ZNF142: variants seen among roughly 807,000 people sequenced by gnomAD.
The protein encoded by ZNF142 is zinc finger protein 142, also known as zinc finger protein 142 (clone pHZ-49).
In ZNF142, 96 loss-of-function variants were observed where a neutral mutation model predicts 132.1. The observed-to-expected ratio is 0.73, with a 90% CI of 0.62 to 0.86. The LOEUF is 0.86. ZNF142 is among the 40% of genes least tolerant of loss of function. ZNF142 has a pLI of 0.00. For missense variants in ZNF142, 2,163 were observed against 2,336.2 expected (o/e 0.93, Z 1.53); for synonymous variants, 842 against 890.1 (o/e 0.95, Z 0.96).
At chr2:218,639,982 G>A (rs1168354430) in intron 10 of ZNF142, among the ~76,000 whole-genome samples, 28 of 129,236 alleles carry the variant, frequency 2.2e-4, no homozygotes, top group African/African-American at 7.0e-4. Context: ...TGTGAACCCG[G>A]AAGGCAGAGG....
At chr2:218,645,101 T>G in intron 8 of ZNF142, 37 bp from the exon 9 acceptor site, 1 of 1,592,524 alleles carries the variant, frequency 6.3e-7, no homozygotes. Flanking sequence ...ATCACAATAA[T>G]TAATCACAAC....
chr2:218,640,465 C>T, intron 10 of ZNF142, among the ~76,000 whole-genome samples, 199 bp downstream of exon 10: 1 of 152,184 alleles, frequency 6.6e-6, no homozygotes, highest in Non-Finnish European at 1.5e-5. Flanking sequence ...TGCCCAGGCT[C>T]TCAGGTTTAC....
intron 7 of ZNF142, 85 bp from the exon 8 acceptor site, chr2:218,646,433 C>G: frequency 6.7e-7 from 1 of 1,492,484 alleles, no homozygotes; most frequent in East Asian, 2.3e-5. Flanking sequence ...GCAAGCCTGC[C>G]CTGATGCCAG....
chr2:218,633,850 C>G lies in ZNF142; in HGVS notation c.*4489G>C. The G allele has an allele frequency of 6.8e-7, 1 of 1,475,756 alleles. No individual in the cohort carries two copies. The highest frequency in any genetic ancestry group is 1.4e-5 in the African/African-American group (1 of 72,106). The allele number at this position is 1,475,756 out of a possible 1,614,324, so 91.4% of individuals were successfully genotyped here. A position where few individuals can be genotyped will look rare whatever the true frequency, so the allele number is the denominator to read the frequency against. ...GGCAGGTAAGTCCCAAGAAAAAAGACAAGGTAGCTAAGGAGAGATGAAGGA... is the reference window on the plus strand; with the variant it reads ...GGCAGGTAAGTCCCAAGAAAAAAGAGAAGGTAGCTAAGGAGAGATGAAGGA... On this transcript the variant is annotated 3_prime_UTR_variant, in exon 11 of 11. Transcript: ENST00000411696.
chr2:218,645,012 T>G lies in ZNF142; in HGVS notation c.2104A>C (p.Ser702Arg). 1 of 1,613,970 alleles carries G rather than the reference T, an allele frequency of 6.2e-7. No homozygotes were observed. The highest frequency in any genetic ancestry group is 8.5e-7 in the Non-Finnish European group (1 of 1,179,924). ...TTGCCCTGATGCCGCAGCTTGTGGC[T>G]GCTCAGCTGATCAGCCCGGTGACAG... is the stretch of plus-strand genomic sequence containing the variant. ...YRCHRADQLS[S>R]HKLRHQGKSL... The change falls in exon 9 of 11, where the codon AGC becomes CGC. Residue 702 changes from serine (S) to arginine (R), a missense_variant. Around this residue, in one of 7 missense-constraint regions of ZNF142, gnomAD observed 749 missense variants for 830.3 expected, o/e 0.90. Transcript: ENST00000411696.
rs372188329 is a variant in ZNF142, at chr2:218,649,019, C to G, written c.1489G>C (p.Ala497Pro). The change falls in exon 7 of 11, where the codon GCA becomes CCA. Residue 497 changes from alanine (A) to proline (P), a missense_variant. By Grantham distance (27) the Ala-to-Pro change is conservative. Around this residue, in one of 7 missense-constraint regions of ZNF142, gnomAD observed 749 missense variants for 830.3 expected, o/e 0.90. Coordinates refer to ENST00000411696, the MANE Select transcript of ZNF142 (RefSeq NM_001379659.1). ...RCFQEGCSYA[A>P]PDRKAFIKHL... ...TTAATGAAGGCCTTGCGGTCGGGTG[C>G]TGCATAGCTGCAGCCCTCCTGAAAG... 1.3e-5 allele frequency: 21 copies of G among 1,612,438 alleles called. No homozygotes were observed. Among genetic ancestry groups the G allele is most frequent in the Non-Finnish European group, 1.6e-5 (19 of 1,180,060 alleles).
chr2:218,645,746 GA>G (rs1436810307), intron 8 of ZNF142, among the ~76,000 whole-genome samples: 3 of 152,142 alleles, frequency 2.0e-5, no homozygotes, highest in African/African-American at 7.2e-5. Flanking sequence ...AGGGTGTTAG[GA>G]AAAGACTCTC....
chr2:218,644,358 G>A lies in ZNF142; in HGVS notation c.2758C>T (p.Pro920Ser). 1 of 1,614,068 alleles carries A rather than the reference G, an allele frequency of 6.2e-7. No individual in the cohort carries two copies. The highest frequency in any genetic ancestry group is 1.1e-5 in the South Asian group (1 of 91,084). ...AGTCCCAGGGGCCTGAACTCCATAGGGGCTGTTTCAGTGACCTCCTCAAGG... is the reference window on the plus strand; with the variant it reads ...AGTCCCAGGGGCCTGAACTCCATAGAGGCTGTTTCAGTGACCTCCTCAAGG... ...PPLEEVTETAPMEFRPLGLEG... is the reference protein window; with the variant it reads ...PPLEEVTETASMEFRPLGLEG... Residue 920 changes from proline (P) to serine (S), a missense_variant, in exon 9 of 11, where the codon CCT (proline) becomes TCT (serine). By Grantham distance (74) the Pro-to-Ser change is moderately conservative. Coordinates refer to ENST00000411696, the MANE Select transcript of ZNF142 (RefSeq NM_001379659.1). The surrounding 1 kb of genome is among the most constrained non-coding windows in gnomAD (Gnocchi z 4.6).
chr2:218,638,879 A>C (rs1356665964), intron 10 of ZNF142, 71 bp from the exon 11 acceptor site: 1 of 1,239,910 alleles, frequency 8.1e-7, no homozygotes, highest in African/African-American at 1.5e-5. Context: ...GAGTTACTGC[A>C]ATCAGTGGAT....
rs779184991 is a variant in ZNF142, at chr2:218,633,570, G to A, written c.*4769C>T. ...ATCTTCTTCTCTCTCAGACTGCTGA[G>A]GGTTCAATTCCATCTTCTTTTCCAC... On this transcript the variant is annotated 3_prime_UTR_variant, in exon 11 of 11. Transcript: ENST00000411696. 6.2e-7 allele frequency: 1 copy of A among 1,603,616 alleles called. No individual in the cohort carries two copies. Among genetic ancestry groups the A allele is most frequent in the Non-Finnish European group, 8.5e-7 (1 of 1,170,636 alleles).
chr2:218,642,378 G>C lies in ZNF142; in HGVS notation c.4738C>G (p.His1580Asp). ...GCAAAGTCACAGAGCTGACAGCGGTGGCTGAAATGCTGCTGCCTCCGGTGC... is the reference window on the plus strand; with the variant it reads ...GCAAAGTCACAGAGCTGACAGCGGTCGCTGAAATGCTGCTGCCTCCGGTGC... The part of the protein sequence containing the change: ...DEHRRQQHFS[H>D]RCQLCDFAAR... The change falls in exon 9 of 11, where the codon CAC becomes GAC. Residue 1580 changes from histidine (H) to aspartate (D), a missense_variant. By Grantham distance (81) the His-to-Asp change is moderately conservative (BLOSUM62 -1). Transcript: ENST00000411696. The surrounding 1 kb of genome is among the most constrained non-coding windows in gnomAD (Gnocchi z 4.6). 6.2e-7 allele frequency: 1 copy of C among 1,613,054 alleles called. No individual in the cohort carries two copies.
At chr2:218,647,383 A>T in intron 7 of ZNF142, among the ~76,000 whole-genome samples, 1 of 133,276 alleles carries the variant, frequency 7.5e-6, no homozygotes, top group Admixed American at 8.5e-5. Flanking sequence ...AGATTGGGCC[A>T]CTTTACTCCA....
In ZNF142 at chr2:218,643,216, C is replaced by T. The variant is rs2106211727; in HGVS notation, c.3900G>A (p.Lys1300=). Residue 1300 remains lysine, a synonymous_variant, in exon 9 of 11, where the codon AAG becomes AAA. Transcript: ENST00000411696. ...ATGTAGGGCAGGAGAAGCGAGCCCC[C>T]TTCTGCTTTTGAACCAGAACTGTAT... The part of the protein sequence containing the change: ...DGDTVLVQKQ[K]GARFSCPTCP... The T allele has an allele frequency of 1.2e-6, 2 of 1,614,244 alleles. No individual in the cohort carries two copies. The highest frequency in any genetic ancestry group is 4.5e-5 in the East Asian group (2 of 44,888).
chr2:218,645,071 A>T lies in ZNF142; in HGVS notation c.2052-7T>A, dbSNP rs1206519906. The T allele has an allele frequency of 6.2e-7, 1 of 1,603,746 alleles. No homozygotes were observed. The highest frequency in any genetic ancestry group is 1.3e-5 in the African/African-American group (1 of 74,756). ...GCACTGGTTGCACTGATACCTGGCA[A>T]GGAGGGAAAGGGGGAGGCAATCACA... On this transcript the variant is annotated splice_region_variant and splice_polypyrimidine_tract_variant and intron_variant, in intron 8 of 10. Coordinates refer to ENST00000411696, the MANE Select transcript of ZNF142 (RefSeq NM_001379659.1).
rs368396991 is a variant in ZNF142 at position 218,643,610 on chromosome 2, T to C, written c.3506A>G (p.Asn1169Ser). The stretch of plus-strand genomic sequence containing the variant: ...CTTAGGGGCCTCTGTGGGCAAGGAG[T>C]TTCCTGCAGGAGGGACTGGGGAACC... ...VSGSPVPPAGNSLPTEAPKKH... is the reference protein window; with the variant it reads ...VSGSPVPPAGSSLPTEAPKKH... Residue 1169 changes from asparagine to serine, a missense_variant, in exon 9 of 11, where the codon AAC becomes AGC. Physicochemically the swap from Asn to Ser is conservative, Grantham distance 46. This residue lies in a region of ZNF142 where 809 missense variants were observed against 801.7 expected (regional missense o/e 1.01). Transcript: ENST00000411696. The C allele has an allele frequency of 1.3e-6, 2 of 1,559,624 alleles. No individual in the cohort carries two copies. Among genetic ancestry groups the C allele is most frequent in the African/African-American group, 2.8e-5 (2 of 72,680 alleles).
Position 218,642,507 on chromosome 2 carries a change from AC to A in ZNF142, c.4608del (p.Cys1537AlafsTer60), listed in dbSNP as rs1697298190. The part of the protein sequence containing the change: ...GPLHCSRCGL[L>X]CPSPASLRGH... ...CCTCGTAAGCTGGCAGGGCTGGGGC[AC>A]AGCAACCCACAGCGGGAACAGTGCA... On this transcript the variant is annotated frameshift_variant, in exon 9 of 11. Coordinates refer to ENST00000411696, the MANE Select transcript of ZNF142 (RefSeq NM_001379659.1). LOFTEE classifies it high-confidence loss of function. This position sits in a 1 kb window ranked among gnomAD's most constrained non-coding sequence, Gnocchi z 4.6. 2 of 1,606,952 alleles carry A rather than the reference AC, an allele frequency of 1.2e-6. No individual in the cohort carries two copies. Among genetic ancestry groups the A allele is most frequent in the Non-Finnish European group, 8.5e-7 (1 of 1,175,750 alleles).
chr2:218,651,947 G>A lies in ZNF142; in HGVS notation c.634C>T (p.His212Tyr), dbSNP rs1559302133. The A allele has an allele frequency of 1.8e-6, 2 of 1,111,714 alleles. No homozygotes were observed. Among genetic ancestry groups the A allele is most frequent in the Non-Finnish European group, 2.4e-6 (2 of 826,106 alleles). 68.9% of individuals were successfully genotyped at this position (1,111,714 alleles called of 1,614,324 possible). A position where few individuals can be genotyped will look rare whatever the true frequency, so the allele number is the denominator to read the frequency against. Residue 212 changes from histidine to tyrosine, a missense_variant, in exon 5 of 11, where the codon CAC becomes TAC. His to Tyr is a moderately conservative substitution (Grantham distance 83). This residue lies in a region of ZNF142 where 195 missense variants were observed against 172.4 expected (regional missense o/e 1.13). Coordinates refer to ENST00000411696, the MANE Select transcript of ZNF142 (RefSeq NM_001379659.1). Reference sequence around the variant, plus strand: ...GCTCTGTGAGTCTGCCTCAGGTGGTGCTGCAGACCCTTGCGATCTTCAGCA... The same window carrying A: ...GCTCTGTGAGTCTGCCTCAGGTGGTACTGCAGACCCTTGCGATCTTCAGCA... ...FSAEDRKGLQ[H>Y]HLRQTHRAVP...
At position 218,645,254 on chromosome 2, in the gene ZNF142, G is replaced by T. The variant is rs1258207299; in HGVS notation, c.2052-190C>A. Among the ~76,000 whole-genome samples the T allele has an allele frequency of 4.6e-5, 7 of 152,192 alleles. 1 individual carries two copies. Among genetic ancestry groups the T allele is most frequent in the Non-Finnish European group, 8.8e-5 (6 of 68,038 alleles). ...TCCAAGTGAGAAAAACTAAATCACA[G>T]AAGTTAATAATTTGCCTAAGGTTGG... is the stretch of plus-strand genomic sequence containing the variant. On this transcript the variant is annotated intron_variant, in intron 8 of 10. Transcript: ENST00000411696.
chr2:218,644,947 C>G lies in ZNF142; in HGVS notation c.2169G>C (p.Arg723=), dbSNP rs894496210. Reference sequence around the variant, plus strand: ...CCATGTGCTTCTGCAGCTCATACTTCCGCTTGCAGGCGAAGGCACACACCT... The same window carrying G: ...CCATGTGCTTCTGCAGCTCATACTTGCGCTTGCAGGCGAAGGCACACACCT... ...MCEVCAFACK[R]KYELQKHMAS... is the part of the protein sequence containing the mutation. Residue 723 remains arginine (R), a synonymous_variant, in exon 9 of 11, where the codon CGG becomes CGC. Coordinates refer to ENST00000411696, the MANE Select transcript of ZNF142 (RefSeq NM_001379659.1). The surrounding 1 kb of genome is among the most constrained non-coding windows in gnomAD (Gnocchi z 4.6). 1 of 1,614,044 alleles carries G rather than the reference C, an allele frequency of 6.2e-7. No homozygotes were observed. The highest frequency in any genetic ancestry group is 2.2e-5 in the East Asian group (1 of 44,878).
Sources: allele counts gnomAD v4.1 joint callset (sites outside exome capture counted in the v4.1 genomes callset), GRCh38; gene constraint gnomAD v4.1.1; regional missense constraint gnomAD v4.1.1; non-coding constraint Gnocchi (gnomAD v3.1); transcripts MANE v1.5; gene names NCBI Gene and HGNC (gene_info 2026-07-23, HGNC 2026-07-21).